Variants in PCNT observed in about 807,000 individuals in gnomAD.
The protein encoded by PCNT is kendrin.
Under a neutral mutation model 380.4 loss-of-function variants are expected in PCNT, and 319 were observed. The observed-to-expected ratio is 0.84, with a 90% confidence interval of 0.77 to 0.92. The LOEUF (loss-of-function observed/expected upper bound fraction) is 0.92. Ranked by LOEUF, PCNT falls within the 40% of genes least tolerant of loss-of-function variation. The pLI, the probability that PCNT is intolerant of heterozygous loss-of-function variation, is 0.00. For synonymous variants in PCNT, 1,845 were observed against 1,735.2 expected (o/e 1.06, Z -1.57); for missense variants, 4,400 against 4,255.3 (o/e 1.03, Z -0.95).
chr21:46,347,030 T>G (rs1601796099), intron 5 of PCNT, 32 bp downstream of exon 5: 2 of 1,580,940 alleles, frequency 1.3e-6, no homozygotes, highest in Non-Finnish European at 1.7e-6. Flanking sequence ...ACGGGCAGCG[T>G]GTGGGCTCGG....
intron 3 of PCNT, among the ~76,000 whole-genome samples, chr21:46,343,036 G>A (rs1346424837): frequency 1.3e-5 from 2 of 152,168 alleles, no homozygotes; most frequent in Non-Finnish European, 2.9e-5. Flanking sequence ...AAACTTTACT[G>A]AATTCATCGA....
At chr21:46,407,434 C>G (rs774326726) in intron 27 of PCNT, among the ~76,000 whole-genome samples, 1 of 151,146 alleles carries the variant, frequency 6.6e-6, no homozygotes, top group Non-Finnish European at 1.5e-5. Flanking sequence ...CTCCGCCTCC[C>G]GGGTTCAAGT....
At position 46,324,284 on chromosome 21, in the gene PCNT, T is replaced by A; in HGVS notation, c.54+2T>A. On this transcript the variant is annotated splice_donor_variant, in intron 1 of 46. Transcript: ENST00000359568. LOFTEE classifies it high-confidence loss of function. The stretch of plus-strand genomic sequence containing the variant: ...AAGGTGGAGGCCGGGAGGACGAAGG[T>A]AAACATTAGGGGCTTCTTCTCTAGC... The A allele has an allele frequency of 6.2e-7, 1 of 1,608,980 alleles. No individual in the cohort carries two copies. The highest frequency in any genetic ancestry group is 8.5e-7 in the Non-Finnish European group (1 of 1,177,172).
intron 44 of PCNT, 115 bp downstream of exon 44, chr21:46,442,688 A>G: frequency 1.3e-6 from 1 of 760,630 alleles, no homozygotes; most frequent in South Asian, 1.4e-5. Flanking sequence ...AAGCACGGTA[A>G]GAAAATCCGT....
rs1191365838 is a variant in PCNT at position 46,425,155 on chromosome 21, AC to A, written c.7180-675del. ...GGCTCTGGGCTCTAGGCTGGTCGTG[AC>A]ACCAGCTTCTCCATAGGGCCGTCTG... On this transcript the variant is annotated intron_variant, in intron 32 of 46. Coordinates refer to ENST00000359568, the MANE Select transcript of PCNT (RefSeq NM_006031.6). The surrounding 1 kb of genome is among the most constrained non-coding windows in gnomAD (Gnocchi z 4.2). Among the ~76,000 whole-genome samples the A allele has an allele frequency of 6.6e-6, 1 of 152,056 alleles. No homozygotes were observed. Among genetic ancestry groups the A allele is most frequent in the East Asian group, 1.9e-4 (1 of 5,174 alleles).
At chr21:46,324,964 C>G (rs2083320931) in intron 1 of PCNT, 1 of 954,676 alleles carries the variant, frequency 1.0e-6, no homozygotes, top group Non-Finnish European at 1.2e-6. Flanking sequence ...CTTGGGCTCG[C>G]GTCCTGCCCG....
chr21:46,421,407 T>C (rs898869175), intron 31 of PCNT, among the ~76,000 whole-genome samples: 1 of 152,158 alleles, frequency 6.6e-6, no homozygotes, highest in Non-Finnish European at 1.5e-5. Flanking sequence ...CCCCCCTCCC[T>C]GTGGGCTGGC....
At chr21:46,390,006 G>A (rs201442039) in intron 19 of PCNT, among the ~76,000 whole-genome samples, 14 of 152,260 alleles carry the variant, frequency 9.2e-5, no homozygotes, top group East Asian at 1.9e-4. Context: ...GCAGCCACAT[G>A]TGTGAAAGCT....
In PCNT at chr21:46,391,360, C is replaced by T. The variant is rs542127778; in HGVS notation, c.4200C>T (p.Ala1400=). 30 of 1,549,540 alleles carry T rather than the reference C, an allele frequency of 1.9e-5. No individual in the cohort carries two copies. The highest frequency in any genetic ancestry group is 9.5e-5 in the South Asian group (8 of 84,018). The change falls in exon 21 of 47, where the codon GCC becomes GCT. Residue 1400 remains alanine (A), a synonymous_variant. Transcript: ENST00000359568. ...GGGGGGAGGCCACAGCCACGGACGC[C>T]GAGGCCAGAGAAGCTGGTAAGGAGC... ...WSRGEATATD[A]EAREAALRKE... is the part of the protein sequence containing the mutation.
chr21:46,373,728 G>GC (rs1228973190), intron 15 of PCNT, among the ~76,000 whole-genome samples: 9 of 88,148 alleles, frequency 1.0e-4, no homozygotes, highest in Non-Finnish European at 1.6e-4. Context: ...CCCAGCCTTA[G>GC]CTTTTTTTTT....
In PCNT at chr21:46,440,013, C is replaced by T. The variant is rs117926177; in HGVS notation, c.9274-70C>T. ...CATGGCCTTCTCCCTCACCTGCCCC[C>T]GGCTGCGTCTCTAAGATGCTCTTGT... On this transcript the variant is annotated intron_variant, in intron 41 of 46. Coordinates refer to ENST00000359568, the MANE Select transcript of PCNT (RefSeq NM_006031.6). 5.8e-3 allele frequency: 9,262 copies of T among 1,596,360 alleles called. 49 individuals carry two copies. The highest frequency in any genetic ancestry group is 6.9e-3 in the Middle Eastern group (39 of 5,646).
chr21:46,436,557 CAGA>C (rs1347569759), intron 39 of PCNT, among the ~76,000 whole-genome samples: 1 of 146,436 alleles, frequency 6.8e-6, no homozygotes, highest in Non-Finnish European at 1.5e-5. Flanking sequence ...TTCATATGGG[CAGA>C]AAGGGTAATG....
At position 46,430,662 on chromosome 21, in the gene PCNT, CAG is replaced by C. The variant is rs768943958; in HGVS notation, c.8064+6_8064+7del. 50 of 1,566,674 alleles carry C rather than the reference CAG, an allele frequency of 3.2e-5. No homozygotes were observed. The African/African-American group carries it at 5.8e-4, about 18-fold the overall frequency. ...CAGAGTGCCAAGGCCCTGGAGGTAA[CAG>C]GGTGTCAGGGCAAGGCAGCCGGCAT... On this transcript the variant is annotated splice_donor_region_variant and intron_variant, in intron 37 of 46. Coordinates refer to ENST00000359568, the MANE Select transcript of PCNT (RefSeq NM_006031.6).
intron 15 of PCNT, among the ~76,000 whole-genome samples, chr21:46,374,590 C>T (rs940953975): frequency 1.3e-5 from 2 of 152,208 alleles, no homozygotes; most frequent in Admixed American, 6.5e-5. Context: ...TGGCTCACGC[C>T]TGTAATCCCA....
intron 8 of PCNT, among the ~76,000 whole-genome samples, chr21:46,351,019 G>A (rs1460914221): frequency 6.6e-6 from 1 of 152,210 alleles, no homozygotes; most frequent in African/African-American, 2.4e-5. Context: ...GAAACTGAGA[G>A]ACCTCCTATT....
At chr21:46,380,144 GATTTTTTTTTTTTTTT>G in intron 15 of PCNT, among the ~76,000 whole-genome samples, 1 of 105,144 alleles carries the variant, frequency 9.5e-6, no homozygotes, top group African/African-American at 3.6e-5. Flanking sequence ...CCCTGGGGTA[GATTTTTTTTTTTTTTT>G]TTTTTTTTTT....
At chr21:46,344,156 G>C (rs1455899035) in intron 3 of PCNT, among the ~76,000 whole-genome samples, 2 of 151,644 alleles carry the variant, frequency 1.3e-5, no homozygotes, top group Admixed American at 1.3e-4. Context: ...GCTCTGCCGG[G>C]TCTGCCTCCC....
At chr21:46,417,472 G>T (rs1425358076) in intron 30 of PCNT, among the ~76,000 whole-genome samples, 1 of 152,066 alleles carries the variant, frequency 6.6e-6, no homozygotes, top group East Asian at 1.9e-4. Context: ...GCTTACAGGC[G>T]TGAGCCACCA....
rs567784237 is a variant in PCNT at position 46,443,110 on chromosome 21, C to T, written c.9700+537C>T. ...CGCCCCTCCCACGCAGCACAGAGAA[C>T]GCGGGGTGGGTGTGTGGCTCCGGGC... On this transcript the variant is annotated intron_variant, in intron 44 of 46. Transcript: ENST00000359568. The T allele has an allele frequency of 1.0e-4, 18 of 173,054 alleles. No individual in the cohort carries two copies. The South Asian group carries it at 1.7e-3, about 16-fold the overall frequency. 10.7% of individuals were successfully genotyped at this position (173,054 alleles called of 1,614,324 possible). A position where few individuals can be genotyped will look rare whatever the true frequency, so the allele number is the denominator to read the frequency against.
Sources: gnomAD v4.1 joint callset for allele counts (sites outside exome capture counted in the v4.1 genomes callset) on GRCh38, gnomAD v4.1.1 for gene constraint, Gnocchi (gnomAD v3.1) non-coding constraint, MANE v1.5 for transcripts, NCBI Gene and HGNC (gene_info 2026-07-23, HGNC 2026-07-21) for gene names.